Variants in ACMSD observed in about 807,000 individuals in gnomAD.
ACMSD encodes 2-amino-3-carboxymuconate-6-semialdehyde decarboxylase.
A neutral mutation model predicts 45.9 loss-of-function variants in ACMSD; 37 were observed. That is an observed-to-expected ratio of 0.81 (90% CI 0.62 to 1.06). The LOEUF is 1.06. Ranked by LOEUF, ACMSD falls within the 50% of genes least tolerant of loss-of-function variation. ACMSD has a pLI of 0.00. For synonymous variants in ACMSD, 138 were observed against 148.8 expected, an observed-to-expected ratio of 0.93 and a Z score of 0.53; for missense variants, 434 against 420.9, an observed-to-expected ratio of 1.03 and a Z score of -0.27.
intron 3 of ACMSD, among the ~76,000 whole-genome samples, chr2:134,861,124 T>C (rs903545864): frequency 6.6e-6 from 1 of 152,164 alleles, no homozygotes. Flanking sequence ...CCACAGAATA[T>C]AGCATATATC....
chr2:134,850,526 C>T (rs1352121689), intron 2 of ACMSD, among the ~76,000 whole-genome samples: 2 of 152,180 alleles, frequency 1.3e-5, no homozygotes, highest in Non-Finnish European at 2.9e-5. Context: ...CTTCGTCCCC[C>T]CAGAGTGCTA....
At chr2:134,889,458 G>A (rs973592385) in intron 8 of ACMSD, among the ~76,000 whole-genome samples, 15 of 152,104 alleles carry the variant, frequency 9.9e-5, no homozygotes, top group Admixed American at 3.9e-4. Flanking sequence ...AGGAAGTACG[G>A]TCAGCCCTCT....
chr2:134,900,670 G>C (rs1005969708), intron 9 of ACMSD, among the ~76,000 whole-genome samples: 2 of 152,146 alleles, frequency 1.3e-5, no homozygotes, highest in Non-Finnish European at 2.9e-5. Flanking sequence ...GTATATATAG[G>C]ATTCTATATA....
At chr2:134,853,308 G>T (rs1687434627) in intron 2 of ACMSD, among the ~76,000 whole-genome samples, 1 of 152,088 alleles carries the variant, frequency 6.6e-6, no homozygotes, top group Admixed American at 6.6e-5. Context: ...GAAGTTCACA[G>T]GTTAGGTTCC....
intron 2 of ACMSD, among the ~76,000 whole-genome samples, chr2:134,850,000 G>A (rs559940908): frequency 4.1e-5 from 6 of 146,272 alleles, no homozygotes; most frequent in Admixed American, 2.1e-4. Context: ...ACACACACAC[G>A]TGAACATTTA....
intron 3 of ACMSD, 146 bp downstream of exon 3, chr2:134,859,503 CAGGG>C: frequency 1.5e-6 from 1 of 665,368 alleles, no homozygotes; most frequent in Non-Finnish European, 2.6e-6. Flanking sequence ...GTGGGAGGGA[CAGGG>C]CCTTCCACTA....
chr2:134,885,079 C>G (rs980351407), intron 8 of ACMSD, among the ~76,000 whole-genome samples: 2 of 149,908 alleles, frequency 1.3e-5, no homozygotes, highest in Non-Finnish European at 1.5e-5. Flanking sequence ...ACCTGTAGTC[C>G]CAGCTACTTG....
At chr2:134,893,267 T>C (rs1689903987) in intron 8 of ACMSD, among the ~76,000 whole-genome samples, 1 of 150,294 alleles carries the variant, frequency 6.7e-6, no homozygotes, top group Non-Finnish European at 1.5e-5. Flanking sequence ...TGGATAATCA[T>C]AGCTCACTGC....
At chr2:134,873,946 C>T (rs1189170768) in intron 8 of ACMSD, among the ~76,000 whole-genome samples, 1 of 152,178 alleles carries the variant, frequency 6.6e-6, no homozygotes, top group African/African-American at 2.4e-5. Flanking sequence ...AAGGGCTGTT[C>T]TTATTACATC....
intron 2 of ACMSD, among the ~76,000 whole-genome samples, chr2:134,853,131 C>T (rs1344538605): frequency 6.7e-6 from 1 of 149,180 alleles, no homozygotes; most frequent in Non-Finnish European, 1.5e-5. Context: ...CCACTACACT[C>T]CAGCCTGGGG....
At chr2:134,881,811 A>C (rs1323637214) in intron 8 of ACMSD, among the ~76,000 whole-genome samples, 1 of 152,122 alleles carries the variant, frequency 6.6e-6, no homozygotes, top group Non-Finnish European at 1.5e-5. Context: ...AACATGGTGA[A>C]ACCCTGTCTC....
rs185820200 is a variant in ACMSD, at chr2:134,861,829, G to A, written c.200-140G>A. On this transcript the variant is annotated intron_variant, in intron 3 of 9. Coordinates refer to ENST00000356140, the MANE Select transcript of ACMSD (RefSeq NM_138326.3). ...GGGCTGGGGGCTGAGGGGGGTCCAG[G>A]GAGAGGACTGAGAGGGACGCAGGGA... 114 of 842,676 alleles carry A rather than the reference G, an allele frequency of 1.4e-4. No individual in the cohort carries two copies. In the Middle Eastern group the frequency reaches 1.6e-3, roughly 12 times the overall value. 52.2% of individuals were successfully genotyped at this position (842,676 alleles called of 1,614,324 possible).
At chr2:134,866,759 G>A (rs115909849) in intron 5 of ACMSD, among the ~76,000 whole-genome samples, 1 of 152,330 alleles carries the variant, frequency 6.6e-6, no homozygotes, top group African/African-American at 2.4e-5. Context: ...TTCAATGCCT[G>A]TTGAGGAGAC....
intron 2 of ACMSD, among the ~76,000 whole-genome samples, chr2:134,851,534 C>T (rs1406034616): frequency 6.6e-6 from 1 of 152,068 alleles, no homozygotes; most frequent in Non-Finnish European, 1.5e-5. Flanking sequence ...CCTCCGCCTA[C>T]TGGGTTCAAG....
chr2:134,845,509 G>GTCTCTCTCTCTCTCTC lies in ACMSD; in HGVS notation c.102+263_102+278dup, dbSNP rs59782657. 1.1e-3 allele frequency among the ~76,000 whole-genome samples: 102 copies of GTCTCTCTCTCTCTCTC among 94,430 alleles called. 2 individuals carry two copies. The highest frequency in any genetic ancestry group is 5.5e-3 in the Admixed American group (35 of 6,410). 61.9% of individuals were successfully genotyped at this position (94,430 alleles called of 152,430 possible). A position where few individuals can be genotyped will look rare whatever the true frequency, so the allele number is the denominator to read the frequency against. ...TTGGAATTTGAGAACACATTAAAAG[G>GTCTCTCTCTCTCTCTC]TCTCTCTCTCTCTCTCTCTCTCTCT... On this transcript the variant is annotated intron_variant, in intron 2 of 9. Transcript: ENST00000356140.
In ACMSD at chr2:134,871,024, A is replaced by G; in HGVS notation, c.640A>G (p.Lys214Glu). Residue 214 changes from lysine to glutamate, a missense_variant, in exon 7 of 10, where the codon AAG becomes GAG. Transcript: ENST00000356140. ...CATGATCATGGGTGGAGTATTTGAG[A>G]AGTTTCCCAAACTGAAAGTGTGTTT... ...CSMIMGGVFE[K>E]FPKLKVCFAH... 1 of 1,614,130 alleles carries G rather than the reference A, an allele frequency of 6.2e-7. No homozygotes were observed. The highest frequency in any genetic ancestry group is 8.5e-7 in the Non-Finnish European group (1 of 1,180,030).
At chr2:134,861,869 A>T (rs551975658) in intron 3 of ACMSD, 100 bp from the exon 4 acceptor site, 2 of 1,236,818 alleles carry the variant, frequency 1.6e-6, no homozygotes, top group East Asian at 2.3e-5. Context: ...GAGCAGGAGG[A>T]GTTTAGGGTG....
chr2:134,893,863 A>G (rs1370624065), intron 8 of ACMSD, among the ~76,000 whole-genome samples: 4 of 152,194 alleles, frequency 2.6e-5, no homozygotes, highest in African/African-American at 9.6e-5. Context: ...TTTAGGCTAA[A>G]ATGGAAGGAC....
chr2:134,872,861 T>C (rs574891947), intron 8 of ACMSD: 73 of 517,312 alleles, frequency 1.4e-4, no homozygotes, highest in Non-Finnish European at 2.3e-4. Context: ...CTATTATATA[T>C]GCCAGAGAAA....
Sources: allele counts gnomAD v4.1 joint callset (sites outside exome capture counted in the v4.1 genomes callset), GRCh38; gene constraint gnomAD v4.1.1; transcripts MANE v1.5; gene names NCBI Gene and HGNC (gene_info 2026-07-23, HGNC 2026-07-21).